The following DACH2 variants were observed in gnomAD, a reference collection of about 807,000 sequenced individuals.
DACH2 encodes the protein dachshund family transcription factor 2.
Under a neutral mutation model 35.8 loss-of-function variants are expected in DACH2, and 17 were observed. The ratio of observed to expected loss-of-function variants is 0.48; its 90% CI spans 0.33 to 0.71. DACH2 has a LOEUF of 0.71. Among genes scored for constraint, DACH2 ranks in the 30% least tolerant of loss-of-function variants. The pLI, the probability that DACH2 is intolerant of heterozygous loss-of-function variation, is 0.02. For synonymous variants in DACH2, 195 were observed against 177.3 expected, an observed-to-expected ratio of 1.10 and a Z score of -0.79; for missense variants, 469 against 472.7, an observed-to-expected ratio of 0.99 and a Z score of 0.07.
At chrX:86,694,445 C>T (rs901377882) in intron 4 of DACH2, among the ~76,000 whole-genome samples, 2 of 111,965 alleles carry the variant, frequency 1.8e-5, no homozygotes, top group African/African-American at 6.5e-5. Flanking sequence ...TTACCTCACT[C>T]TCTAGCATGA....
At chrX:86,769,459 C>G (rs1275526549) in intron 7 of DACH2, among the ~76,000 whole-genome samples, 7 of 112,072 alleles carry the variant, frequency 6.2e-5, no homozygotes, top group Non-Finnish European at 9.4e-5. Flanking sequence ...TCACATGGAA[C>G]TAAAAGAGAG....
intron 1 of DACH2, among the ~76,000 whole-genome samples, chrX:86,171,332 A>C (rs766514500): frequency 9.0e-5 from 10 of 111,002 alleles, no homozygotes; most frequent in Non-Finnish European, 1.7e-4. Context: ...TGGCTGTCCC[A>C]GTTGGTCTCT....
chrX:86,481,446 T>A (rs1205934318), intron 2 of DACH2: 1 of 111,852 alleles, frequency 8.9e-6, no homozygotes, highest in African/African-American at 3.2e-5. Context: ...AAAAATTCCA[T>A]CTTCTCCGTA....
chrX:86,184,746 A>T (rs1192304721), intron 1 of DACH2, among the ~76,000 whole-genome samples: 2 of 111,965 alleles, frequency 1.8e-5, no homozygotes, highest in Admixed American at 1.9e-4. Context: ...TGATTCAGTT[A>T]CACCATCGAG....
At chrX:86,555,436 C>G (rs1024116542) in intron 3 of DACH2, among the ~76,000 whole-genome samples, 2 of 111,088 alleles carry the variant, frequency 1.8e-5, no homozygotes, top group African/African-American at 6.5e-5. Context: ...CAGGCAGCCA[C>G]CATTTGGAAA....
chrX:86,279,438 G>A (rs1014225044), intron 1 of DACH2, among the ~76,000 whole-genome samples: 11 of 111,936 alleles, frequency 9.8e-5, no homozygotes, highest in Non-Finnish European at 1.7e-4. Flanking sequence ...GCAGCAGAGG[G>A]GCCTGACTGT....
chrX:86,196,154 G>A (rs904084476), intron 1 of DACH2, among the ~76,000 whole-genome samples: 3 of 111,387 alleles, frequency 2.7e-5, no homozygotes, highest in African/African-American at 9.8e-5. Context: ...AGATGCAAGA[G>A]TACATTGACA....
intron 6 of DACH2, among the ~76,000 whole-genome samples, chrX:86,736,840 C>T (rs1462290084): frequency 1.8e-5 from 2 of 111,246 alleles, no homozygotes; most frequent in Admixed American, 9.6e-5. Flanking sequence ...CCTTTCCATT[C>T]ATTCAGAGGT....
At chrX:86,427,627 T>C (rs2036916006) in intron 2 of DACH2, among the ~76,000 whole-genome samples, 1 of 111,296 alleles carries the variant, frequency 9.0e-6, no homozygotes, top group African/African-American at 3.3e-5. Context: ...TGATTCTACA[T>C]CCCTAAGAAC....
intron 4 of DACH2, among the ~76,000 whole-genome samples, chrX:86,688,123 TCA>T (rs2040969567): frequency 8.9e-6 from 1 of 112,143 alleles, no homozygotes; most frequent in African/African-American, 3.2e-5. Context: ...TCACACTCTC[TCA>T]GAGTCTTAGC....
intron 3 of DACH2, among the ~76,000 whole-genome samples, chrX:86,576,303 T>C (rs2039434722): frequency 2.7e-5 from 3 of 111,939 alleles, no homozygotes; most frequent in African/African-American, 6.5e-5. Flanking sequence ...GAATGCTAGG[T>C]ACAAGAAAAT....
intron 2 of DACH2, among the ~76,000 whole-genome samples, chrX:86,476,796 T>C (rs1569415313): frequency 1.8e-5 from 2 of 111,611 alleles, no homozygotes; most frequent in African/African-American, 6.5e-5. Flanking sequence ...AGCTGTATAC[T>C]TCTCTCTTAG....
intron 1 of DACH2, among the ~76,000 whole-genome samples, chrX:86,180,932 A>G (rs140147352): frequency 0.05 from 5,546 of 110,899 alleles, 142 homozygotes; most frequent in South Asian, 0.084. Flanking sequence ...CATTGCCTCC[A>G]TGGTTGCACC....
At chrX:86,530,245 T>C (rs2038698776) in intron 3 of DACH2, among the ~76,000 whole-genome samples, 1 of 111,460 alleles carries the variant, frequency 9.0e-6, no homozygotes, top group Non-Finnish European at 1.9e-5. Flanking sequence ...TACTTGAAAA[T>C]TTTATAGGCT....
At chrX:86,553,969 T>C (rs1353892421) in intron 3 of DACH2, among the ~76,000 whole-genome samples, 1 of 111,740 alleles carries the variant, frequency 8.9e-6, no homozygotes, top group Non-Finnish European at 1.9e-5. Flanking sequence ...GATAATTTTT[T>C]TTTTGCTTGA....
chrX:86,216,480 A>T (rs2032575270), intron 1 of DACH2, among the ~76,000 whole-genome samples: 1 of 109,097 alleles, frequency 9.2e-6, no homozygotes, highest in African/African-American at 3.3e-5. Flanking sequence ...TGTCCTTGTG[A>T]TAGTTTGCTT....
intron 1 of DACH2, among the ~76,000 whole-genome samples, chrX:86,296,078 A>T (rs980561839): frequency 9.0e-6 from 1 of 111,071 alleles, no homozygotes; most frequent in Non-Finnish European, 1.9e-5. Flanking sequence ...TATTTGTGAA[A>T]ATTATATATG....
intron 3 of DACH2, among the ~76,000 whole-genome samples, chrX:86,530,591 T>C (rs1188737103): frequency 8.9e-6 from 1 of 112,208 alleles, no homozygotes; most frequent in Non-Finnish European, 1.9e-5. Flanking sequence ...TCTCCATCCA[T>C]GTGGAACTGT....
chrX:86,167,238 T>C (rs1264642911), intron 1 of DACH2, among the ~76,000 whole-genome samples: 1 of 111,711 alleles, frequency 9.0e-6, no homozygotes, highest in African/African-American at 3.2e-5. Context: ...ATATCATTAC[T>C]TGTTATTGAA....
Sources: gnomAD v4.1 joint callset for allele counts (sites outside exome capture counted in the v4.1 genomes callset) on GRCh38, gnomAD v4.1.1 for gene constraint, MANE v1.5 for transcripts, NCBI Gene and HGNC (gene_info 2026-07-23, HGNC 2026-07-21) for gene names.